Variants in ZEB1 observed in about 807,000 individuals in gnomAD.
The protein encoded by ZEB1 is zinc finger E-box-binding homeobox 1.
A neutral mutation model predicts 84.9 loss-of-function variants in ZEB1; 21 were observed. The observed-to-expected ratio is 0.25, with a 90% CI of 0.18 to 0.36. The LOEUF (loss-of-function observed/expected upper bound fraction) is 0.36. ZEB1 is among the 10% of genes least tolerant of loss of function. The pLI, the probability that ZEB1 is intolerant of heterozygous loss-of-function variation, is 1.00. For missense variants in ZEB1, 1,104 were observed against 1,330.2 expected (o/e 0.83, Z 2.65); for synonymous variants, 420 against 471.1 (o/e 0.89, Z 1.41).
intron 6 of ZEB1, among the ~76,000 whole-genome samples, chr10:31,518,382 C>T (rs1053133821): frequency 6.6e-5 from 10 of 152,052 alleles, no homozygotes; most frequent in Non-Finnish European, 1.3e-4. Flanking sequence ...AGCTCTTGAT[C>T]CATTTGAAGG....
chr10:31,422,693 TG>T lies in ZEB1; in HGVS notation c.59-38339del, dbSNP rs527245649. Among the ~76,000 whole-genome samples the T allele has an allele frequency of 8.5e-5, 13 of 152,228 alleles. No homozygotes were observed. The East Asian group carries it at 1.5e-3, about 18-fold the overall frequency. Reference sequence around the variant, plus strand: ...ATAATCTCAGCTTTCATTTTAGAGTTGGGGGTACATGTGTAGGTTTGCTATG... The same window carrying T: ...ATAATCTCAGCTTTCATTTTAGAGTTGGGGTACATGTGTAGGTTTGCTATG... On this transcript the variant is annotated intron_variant, in intron 1 of 8. Transcript: ENST00000424869.
rs567864699 is a variant in ZEB1, at chr10:31,372,696, G to A, written c.58+53404G>A. On this transcript the variant is annotated intron_variant, in intron 1 of 8. Coordinates refer to ENST00000424869, the MANE Select transcript of ZEB1 (RefSeq NM_001174096.2). ...TTCCAGACATTACAGTTAGCTTTTA[G>A]GTGAAGGCAGTGCTTGACAGAACCT... Among the ~76,000 whole-genome samples the A allele has an allele frequency of 1.3e-4, 20 of 152,046 alleles. No homozygotes were observed. In the South Asian group the frequency reaches 3.7e-3, roughly 28 times the overall value.
intron 1 of ZEB1, 82 bp downstream of exon 1, chr10:31,319,374 G>C: frequency 1.4e-6 from 2 of 1,413,466 alleles, no homozygotes; most frequent in Non-Finnish European, 2.0e-6. Flanking sequence ...AGGGGGGCGA[G>C]CCGGGCTGGG....
chr10:31,353,985 G>A (rs1187745859), intron 1 of ZEB1, among the ~76,000 whole-genome samples: 1 of 152,064 alleles, frequency 6.6e-6, no homozygotes, highest in Non-Finnish European at 1.5e-5. Flanking sequence ...GAAAGAATGA[G>A]GATAGACACA....
chr10:31,382,849 G>A (rs1013705444), intron 1 of ZEB1, among the ~76,000 whole-genome samples: 1 of 151,972 alleles, frequency 6.6e-6, no homozygotes, highest in Non-Finnish European at 1.5e-5. Context: ...TAATACATAA[G>A]TGAGAAATGA....
Position 31,493,476 on chromosome 10 carries a change from G to A in ZEB1, c.260-2300G>A, listed in dbSNP as rs138790454. Among the ~76,000 whole-genome samples the A allele has an allele frequency of 5.7e-3, 867 of 151,922 alleles. 11 individuals carry two copies. The highest frequency in any genetic ancestry group is 0.018 in the African/African-American group (743 of 41,432). ...GCATTCTAGTGTTCTTTTTAAAATT[G>A]CATTTAGGTTAACCAGTTAATCTGT... On this transcript the variant is annotated intron_variant, in intron 2 of 8. Coordinates refer to ENST00000424869, the MANE Select transcript of ZEB1 (RefSeq NM_001174096.2).
chr10:31,410,273 G>T (rs556953631), intron 1 of ZEB1, among the ~76,000 whole-genome samples: 2 of 152,086 alleles, frequency 1.3e-5, no homozygotes, highest in East Asian at 3.8e-4. Context: ...TAATTATGTC[G>T]TTTTTGTCAT....
chr10:31,418,475 C>CT (rs1037468304), intron 1 of ZEB1, among the ~76,000 whole-genome samples: 1 of 151,916 alleles, frequency 6.6e-6, no homozygotes, highest in Non-Finnish European at 1.5e-5. Flanking sequence ...TTTTTAAAAC[C>CT]TTTATTTTCT....
chr10:31,478,405 G>A (rs1057409490), intron 2 of ZEB1, among the ~76,000 whole-genome samples: 1 of 151,968 alleles, frequency 6.6e-6, no homozygotes, highest in African/African-American at 2.4e-5. Context: ...CTGTTGGTGG[G>A]AATGCAAATT....
At chr10:31,359,679 A>C (rs2042678821) in intron 1 of ZEB1, among the ~76,000 whole-genome samples, 2 of 152,216 alleles carry the variant, frequency 1.3e-5, no homozygotes. Flanking sequence ...TGGAAAGTAC[A>C]AAATGATACC....
rs220071 is a variant in ZEB1 at position 31,529,635 on chromosome 10, T to G, written c.*2371T>G. ...CTGGCATAAGTTGGGACAACAGATATTTGTTGAATAAAAATATAATTTGCA... is the reference window on the plus strand; with the variant it reads ...CTGGCATAAGTTGGGACAACAGATAGTTGTTGAATAAAAATATAATTTGCA... On this transcript the variant is annotated 3_prime_UTR_variant, in exon 9 of 9. Coordinates refer to ENST00000424869, the MANE Select transcript of ZEB1 (RefSeq NM_001174096.2). 1 of 152,300 alleles carries G rather than the reference T, an allele frequency of 6.6e-6. No homozygotes were observed. Among genetic ancestry groups the G allele is most frequent in the Admixed American group, 6.5e-5 (1 of 15,286 alleles). 9.4% of individuals were successfully genotyped at this position (152,300 alleles called of 1,614,324 possible).
At chr10:31,401,864 G>T (rs1417402459) in intron 1 of ZEB1, among the ~76,000 whole-genome samples, 1 of 152,058 alleles carries the variant, frequency 6.6e-6, no homozygotes, top group Non-Finnish European at 1.5e-5. Flanking sequence ...AGGCAGTGGA[G>T]ATGTTATTTT....
chr10:31,323,919 A>G (rs1166156034), intron 1 of ZEB1, among the ~76,000 whole-genome samples: 2 of 151,778 alleles, frequency 1.3e-5, no homozygotes, highest in African/African-American at 2.4e-5. Flanking sequence ...TTGAATTGCC[A>G]GGTAAGCCTG....
At chr10:31,407,099 T>C (rs930640518) in intron 1 of ZEB1, among the ~76,000 whole-genome samples, 1 of 151,802 alleles carries the variant, frequency 6.6e-6, no homozygotes, top group Non-Finnish European at 1.5e-5. Flanking sequence ...TATTTATTTA[T>C]TTATTATTAT....
At chr10:31,455,650 T>C (rs974532436) in intron 1 of ZEB1, among the ~76,000 whole-genome samples, 62 of 152,250 alleles carry the variant, frequency 4.1e-4, no homozygotes, top group Middle Eastern at 3.4e-3. Context: ...AGCAGACATA[T>C]GAAAAAATGC....
At chr10:31,398,924 A>G (rs2051347359) in intron 1 of ZEB1, among the ~76,000 whole-genome samples, 1 of 151,002 alleles carries the variant, frequency 6.6e-6, no homozygotes, top group Admixed American at 6.6e-5. Flanking sequence ...TCACTCCCTT[A>G]GTGACTTCAT....
At chr10:31,445,186 G>GAAGCAAATGT (rs1297227140) in intron 1 of ZEB1, among the ~76,000 whole-genome samples, 2 of 144,780 alleles carry the variant, frequency 1.4e-5, no homozygotes, top group African/African-American at 5.8e-5. Context: ...AATTGTGAAT[G>GAAGCAAATGT]GGAGTTCACT....
At chr10:31,473,449 C>G (rs961833322) in intron 2 of ZEB1, among the ~76,000 whole-genome samples, 5 of 151,984 alleles carry the variant, frequency 3.3e-5, no homozygotes, top group Admixed American at 3.3e-4. Flanking sequence ...TGAGTGAACT[C>G]CCATTCACAA....
At chr10:31,360,858 A>G (rs2042916208) in intron 1 of ZEB1, 2 of 923,022 alleles carry the variant, frequency 2.2e-6, no homozygotes, top group Non-Finnish European at 3.4e-6. Flanking sequence ...TGCATTTACT[A>G]GTGCCACAGT....
Sources: allele counts gnomAD v4.1 joint callset (sites outside exome capture counted in the v4.1 genomes callset), GRCh38; gene constraint gnomAD v4.1.1; transcripts MANE v1.5; gene names NCBI Gene and HGNC (gene_info 2026-07-23, HGNC 2026-07-21).